GRIP1: variants seen among roughly 807,000 people sequenced by gnomAD.
GRIP1 encodes the protein glutamate receptor-interacting protein 1.
A neutral mutation model predicts 129.9 loss-of-function variants in GRIP1; 45 were observed. That is an observed-to-expected ratio of 0.35 (90% CI 0.27 to 0.44). GRIP1 has a LOEUF of 0.44. Ranked by LOEUF, GRIP1 falls within the 20% of genes least tolerant of loss-of-function variation. The pLI is 1.00. For missense variants in GRIP1, 1,196 were observed against 1,396.8 expected, an observed-to-expected ratio of 0.86 and a Z score of 2.29; for synonymous variants, 530 against 520.8, an observed-to-expected ratio of 1.02 and a Z score of -0.24.
At chr12:66,470,988 G>C in intron 7 of GRIP1, among the ~76,000 whole-genome samples, 1 of 152,186 alleles carries the variant, frequency 6.6e-6, no homozygotes. Context: ...GAAGTCGGGA[G>C]AGTAATACTT....
intron 1 of GRIP1, among the ~76,000 whole-genome samples, chr12:66,784,616 T>G (rs770227863): frequency 1.3e-5 from 2 of 152,170 alleles, no homozygotes; most frequent in Admixed American, 6.5e-5. Flanking sequence ...TCCTAATTTT[T>G]ATGTTTACAT....
intron 1 of GRIP1, among the ~76,000 whole-genome samples, chr12:66,815,083 T>C (rs988868081): frequency 6.6e-6 from 1 of 152,218 alleles, no homozygotes; most frequent in Non-Finnish European, 1.5e-5. Context: ...CCATATTAGA[T>C]ATTTATATCC....
intron 7 of GRIP1, among the ~76,000 whole-genome samples, chr12:66,482,497 T>C (rs4913309): frequency 0.27 from 41,360 of 152,158 alleles, 5,833 homozygotes; most frequent in Middle Eastern, 0.43. Flanking sequence ...CGAATGTTAA[T>C]GTTTAATTGA....
intron 7 of GRIP1, among the ~76,000 whole-genome samples, chr12:66,478,148 C>T (rs1182927508): frequency 6.6e-6 from 1 of 152,148 alleles, no homozygotes; most frequent in Non-Finnish European, 1.5e-5. Context: ...GGGCTAATAT[C>T]CTAATCTACA....
At chr12:66,700,020 A>G (rs746028108) in intron 1 of GRIP1, among the ~76,000 whole-genome samples, 7 of 152,156 alleles carry the variant, frequency 4.6e-5, no homozygotes, top group Non-Finnish European at 7.3e-5. Context: ...CAAGGCAGGG[A>G]GAGCTTCTCT....
intron 4 of GRIP1, among the ~76,000 whole-genome samples, chr12:66,535,436 A>G (rs938545249): frequency 2.0e-5 from 3 of 152,222 alleles, no homozygotes; most frequent in African/African-American, 4.8e-5. Flanking sequence ...GTTACTTACA[A>G]AGTGTTTGAT....
intron 1 of GRIP1, among the ~76,000 whole-genome samples, chr12:67,040,740 C>T (rs1426370185): frequency 6.6e-6 from 1 of 152,154 alleles, no homozygotes; most frequent in Non-Finnish European, 1.5e-5. Flanking sequence ...GAAAGAATGT[C>T]GCACAGGGCC....
chr12:66,513,572 C>A (rs540490439), intron 7 of GRIP1, among the ~76,000 whole-genome samples: 1 of 151,976 alleles, frequency 6.6e-6, no homozygotes, highest in East Asian at 1.9e-4. Context: ...CCTTTTGGAA[C>A]CTTATAATTT....
chr12:66,976,421 C>CA (rs1379267448), intron 1 of GRIP1, among the ~76,000 whole-genome samples: 1 of 152,132 alleles, frequency 6.6e-6, no homozygotes, highest in African/African-American at 2.4e-5. Context: ...CAAACAAATG[C>CA]AAAATGTATC....
intron 1 of GRIP1, among the ~76,000 whole-genome samples, chr12:66,706,328 C>A (rs2035526663): frequency 6.6e-6 from 1 of 151,876 alleles, no homozygotes; most frequent in Non-Finnish European, 1.5e-5. Context: ...CAGAGAAAGG[C>A]AAATCAAAAC....
intron 3 of GRIP1, among the ~76,000 whole-genome samples, chr12:66,540,944 A>G (rs1022469119): frequency 1.3e-5 from 2 of 151,556 alleles, no homozygotes; most frequent in African/African-American, 4.8e-5. Context: ...GATTACAGGC[A>G]TGTGCCATCA....
chr12:66,617,680 A>C (rs2065101642), intron 1 of GRIP1, among the ~76,000 whole-genome samples: 1 of 152,038 alleles, frequency 6.6e-6, no homozygotes, highest in Non-Finnish European at 1.5e-5. Context: ...TCTTGATTTT[A>C]ACACATCATA....
rs193150863 is a variant in GRIP1, at chr12:66,349,401, T to C, written c.3160-155A>G. Among the ~76,000 whole-genome samples the C allele has an allele frequency of 3.3e-5, 5 of 152,354 alleles. No homozygotes were observed. In the South Asian group the frequency reaches 6.2e-4, roughly 19 times the overall value. ...CCTTGTGACTATGCTGTGACATGGC[T>C]ACTGGCTCAATTGCCATTGTCTGCT... On this transcript the variant is annotated intron_variant, in intron 24 of 24. Transcript: ENST00000359742.
At chr12:66,730,701 C>CAAAAAAAA (rs3051132) in intron 1 of GRIP1, among the ~76,000 whole-genome samples, 167 of 70,804 alleles carry the variant, frequency 2.4e-3, no homozygotes, top group Middle Eastern at 7.2e-3. Flanking sequence ...GGGTCATCTA[C>CAAAAAAAA]AAAAAAAAAA....
At chr12:66,527,514 G>A (rs1296984560) in intron 5 of GRIP1, among the ~76,000 whole-genome samples, 1 of 152,014 alleles carries the variant, frequency 6.6e-6, no homozygotes, top group Non-Finnish European at 1.5e-5. Context: ...TCACACTCCG[G>A]GGAGTGTTGT....
At chr12:66,835,002 C>T (rs1418069300) in intron 1 of GRIP1, among the ~76,000 whole-genome samples, 1 of 151,136 alleles carries the variant, frequency 6.6e-6, no homozygotes, top group Non-Finnish European at 1.5e-5. Flanking sequence ...TTAAAAATTT[C>T]TGTTCTGAGA....
At chr12:66,367,185 T>C (rs1456755661) in intron 23 of GRIP1, among the ~76,000 whole-genome samples, 1 of 152,150 alleles carries the variant, frequency 6.6e-6, no homozygotes, top group Non-Finnish European at 1.5e-5. Flanking sequence ...ACAGGCCCCT[T>C]ATCTGCAAAG....
At chr12:66,784,136 G>T (rs564481774) in intron 1 of GRIP1, among the ~76,000 whole-genome samples, 2 of 152,070 alleles carry the variant, frequency 1.3e-5, no homozygotes, top group South Asian at 4.2e-4. Flanking sequence ...TTTTTAAGTT[G>T]TAAGTAGATA....
intron 1 of GRIP1, among the ~76,000 whole-genome samples, chr12:66,631,781 AAG>A (rs2030814148): frequency 6.6e-6 from 1 of 152,246 alleles, no homozygotes; most frequent in South Asian, 2.1e-4. Flanking sequence ...ATTTCTATCT[AAG>A]CAGAGGATTG....
Sources: gnomAD v4.1 joint callset for allele counts (sites outside exome capture counted in the v4.1 genomes callset) on GRCh38, gnomAD v4.1.1 for gene constraint, MANE v1.5 for transcripts, NCBI Gene and HGNC (gene_info 2026-07-23, HGNC 2026-07-21) for gene names.